The following TENM3 variants were observed in gnomAD, a reference collection of about 807,000 sequenced individuals.
TENM3 encodes the protein teneurin-3.
A neutral mutation model predicts 255.1 loss-of-function variants in TENM3; 63 were observed. The observed-to-expected ratio is 0.25, with a 90% CI of 0.20 to 0.30. The LOEUF (loss-of-function observed/expected upper bound fraction) is 0.30. Ranked by LOEUF, TENM3 falls within the 10% of genes least tolerant of loss-of-function variation. The pLI is 1.00. For synonymous variants in TENM3, 1,306 were observed against 1,322.3 expected (o/e 0.99, Z 0.27); for missense variants, 2,929 against 3,461.1 (o/e 0.85, Z 3.86).
the TENM3 span, among the ~76,000 whole-genome samples, chr4:181,730,818 T>A: frequency 2.0e-5 from 3 of 152,312 alleles, no homozygotes; most frequent in East Asian, 5.8e-4. Flanking sequence ...AATTAAGCTG[T>A]AAAATTGAAG....
chr4:181,748,233 T>C, the TENM3 span, among the ~76,000 whole-genome samples: 1 of 152,122 alleles, frequency 6.6e-6, no homozygotes, highest in Non-Finnish European at 1.5e-5. Context: ...TGAGGAAATA[T>C]AATATCTTTG....
chr4:181,844,552 C>T, the TENM3 span, among the ~76,000 whole-genome samples: 1 of 151,846 alleles, frequency 6.6e-6, no homozygotes, highest in African/African-American at 2.4e-5. Context: ...CCTGTAGTCC[C>T]AGCTACTCGG....
At chr4:181,779,956 AG>A in the TENM3 span, among the ~76,000 whole-genome samples, 1 of 152,184 alleles carries the variant, frequency 6.6e-6, no homozygotes, top group Non-Finnish European at 1.5e-5. Context: ...GTCCCTACAA[AG>A]GACATGAACT....
the TENM3 span, among the ~76,000 whole-genome samples, chr4:181,824,998 G>A: frequency 8.4e-3 from 1,273 of 152,268 alleles, 12 homozygotes; most frequent in Non-Finnish European, 0.013. Context: ...GCTACCTGTC[G>A]CATTTTTAAT....
chr4:182,044,400 C>G, the TENM3 span, among the ~76,000 whole-genome samples: 1 of 152,192 alleles, frequency 6.6e-6, no homozygotes, highest in East Asian at 1.9e-4. Flanking sequence ...TAATGCTTTC[C>G]AGTGTGATTA....
the TENM3 span, among the ~76,000 whole-genome samples, chr4:181,484,594 T>C: frequency 1.3e-5 from 2 of 152,170 alleles, no homozygotes; most frequent in South Asian, 4.1e-4. Context: ...TAGAGGCCTA[T>C]TGATTTAATG....
chr4:181,756,119 G>C, the TENM3 span, among the ~76,000 whole-genome samples: 4 of 152,114 alleles, frequency 2.6e-5, no homozygotes, highest in Non-Finnish European at 5.9e-5. Context: ...AAGCAAGTAA[G>C]TGCATGTAAA....
At chr4:181,877,097 G>A in the TENM3 span, 5 of 152,066 alleles carry the variant, frequency 3.3e-5, no homozygotes, top group Non-Finnish European at 7.4e-5. Context: ...ACATACACAT[G>A]TCTTGCCTTC....
chr4:182,023,864 T>C, the TENM3 span, among the ~76,000 whole-genome samples: 23 of 152,182 alleles, frequency 1.5e-4, no homozygotes, highest in African/African-American at 2.2e-4. Flanking sequence ...CTCATAAATA[T>C]GATGTATTAA....
intron 6 of TENM3, among the ~76,000 whole-genome samples, chr4:182,659,512 C>G (rs11132141): frequency 6.6e-6 from 1 of 152,060 alleles, no homozygotes; most frequent in Admixed American, 6.6e-5. Context: ...GGAACACAGA[C>G]CCTATGGATA....
chr4:182,100,481 AC>A, the TENM3 span, among the ~76,000 whole-genome samples: 1 of 136,692 alleles, frequency 7.3e-6, no homozygotes, highest in Non-Finnish European at 1.6e-5. Flanking sequence ...ACACACACAC[AC>A]ATATATATAT....
At chr4:181,840,086 CCTTTTGT>C in the TENM3 span, among the ~76,000 whole-genome samples, 1 of 151,902 alleles carries the variant, frequency 6.6e-6, no homozygotes, top group African/African-American at 2.4e-5. Flanking sequence ...GTTTTTATTG[CCTTTTGT>C]CTCAGGAATC....
Position 182,667,471 on chromosome 4 carries a change from G to A in TENM3, c.1112-5534G>A, listed in dbSNP as rs564855757. ...CCCAAAGTGCTGGGATTACAGGTGT[G>A]AGCCACCACACCTGGCCCAAATTTA... On this transcript the variant is annotated intron_variant, in intron 6 of 27. Coordinates refer to ENST00000511685, the MANE Select transcript of TENM3 (RefSeq NM_001080477.4). Among the ~76,000 whole-genome samples the A allele has an allele frequency of 3.0e-4, 46 of 152,254 alleles. No homozygotes were observed. In the South Asian group the frequency reaches 7.0e-3, roughly 23 times the overall value.
At chr4:182,691,485 C>T (rs549310744) in intron 12 of TENM3, among the ~76,000 whole-genome samples, 1 of 152,296 alleles carries the variant, frequency 6.6e-6, no homozygotes, top group South Asian at 2.1e-4. Context: ...TTCATAAAAC[C>T]ATAGGCATTT....
intron 11 of TENM3, among the ~76,000 whole-genome samples, chr4:182,683,596 G>T (rs1473553617): frequency 6.6e-6 from 1 of 152,196 alleles, no homozygotes; most frequent in Non-Finnish European, 1.5e-5. Context: ...ACAGTGAAAA[G>T]AAAAGTATTT....
intron 1 of TENM3, among the ~76,000 whole-genome samples, chr4:182,165,495 G>A (rs568823624): frequency 6.6e-6 from 1 of 152,266 alleles, no homozygotes; most frequent in Non-Finnish European, 1.5e-5. Context: ...TCGTGTTCCT[G>A]AGCTGCTAGA....
chr4:181,807,376 A>C, the TENM3 span, among the ~76,000 whole-genome samples: 1 of 152,324 alleles, frequency 6.6e-6, no homozygotes, highest in Admixed American at 6.5e-5. Context: ...TTTTTGAGAC[A>C]GAGTTTCACT....
chr4:182,365,177 A>G (rs944248278), intron 3 of TENM3, among the ~76,000 whole-genome samples: 18 of 152,196 alleles, frequency 1.2e-4, no homozygotes, highest in African/African-American at 2.4e-5. Flanking sequence ...TTTCACATGT[A>G]TGTACCATTT....
At chr4:181,455,140 A>T in the TENM3 span, among the ~76,000 whole-genome samples, 2 of 152,140 alleles carry the variant, frequency 1.3e-5, no homozygotes, top group Non-Finnish European at 2.9e-5. Flanking sequence ...AAGAGAACTT[A>T]TGATAGGTTA....
Sources: allele counts gnomAD v4.1 joint callset (sites outside exome capture counted in the v4.1 genomes callset), GRCh38; gene constraint gnomAD v4.1.1; transcripts MANE v1.5; gene names NCBI Gene and HGNC (gene_info 2026-07-23, HGNC 2026-07-21).